Variants in FICD observed in about 807,000 individuals in gnomAD.
FICD encodes the protein FIC domain protein adenylyltransferase, also known as protein adenylyltransferase FICD.
In FICD, 13 loss-of-function variants were observed where a neutral mutation model predicts 28.0. The observed-to-expected ratio is 0.46, with a 90% CI of 0.30 to 0.74. FICD has a LOEUF of 0.74. Ranked by LOEUF, FICD falls within the 30% of genes least tolerant of loss-of-function variation. The pLI is 0.07. For missense variants in FICD, 576 were observed against 624.5 expected, an observed-to-expected ratio of 0.92 and a Z score of 0.83; for synonymous variants, 268 against 266.4, an observed-to-expected ratio of 1.01 and a Z score of -0.06.
intron 2 of FICD, chr12:108,517,983 G>A (rs1430182676): frequency 2.1e-5 from 13 of 631,042 alleles, no homozygotes; most frequent in Non-Finnish European, 3.1e-5. Flanking sequence ...TGGGCCTCCC[G>A]GGGCAGGAAC....
rs934037411 is a variant in FICD, at chr12:108,520,348, CTGAGT to C, written c.*875_*879del. 1 of 152,158 alleles carries C rather than the reference CTGAGT, an allele frequency of 6.6e-6. No individual in the cohort carries two copies. Among genetic ancestry groups the C allele is most frequent in the Non-Finnish European group, 1.5e-5 (1 of 68,036 alleles). 9.4% of individuals were successfully genotyped at this position (152,158 alleles called of 1,614,324 possible). A position where few individuals can be genotyped will look rare whatever the true frequency, so the allele number is the denominator to read the frequency against. On this transcript the variant is annotated 3_prime_UTR_variant, in exon 3 of 3. Transcript: ENST00000552695. ...TAGGCATCTGCCCTCACCCCTCTGC[CTGAGT>C]TTTCTGTAGGCAGATGTTAACCTGA...
intron 1 of FICD, among the ~76,000 whole-genome samples, chr12:108,516,594 G>T (rs911727901): frequency 6.6e-6 from 1 of 152,206 alleles, no homozygotes; most frequent in Non-Finnish European, 1.5e-5. Flanking sequence ...CTGGAGAAGG[G>T]TGAAAACATC....
At position 108,518,027 on chromosome 12, in the gene FICD, A is replaced by C. The variant is rs1871963567; in HGVS notation, c.302-373A>C. On this transcript the variant is annotated intron_variant, in intron 2 of 2. Coordinates refer to ENST00000552695, the MANE Select transcript of FICD (RefSeq NM_007076.3). The surrounding 1 kb of genome is among the most constrained non-coding windows in gnomAD (Gnocchi z 4.4). The stretch of plus-strand genomic sequence containing the variant: ...CCAGCACAAGATGAGCTGGAGATGT[A>C]GGAGACGGCCTACACTGGGAGCTGT... 2 of 667,728 alleles carry C rather than the reference A, an allele frequency of 3.0e-6. 1 individual carries two copies. The highest frequency in any genetic ancestry group is 3.2e-5 in the South Asian group (2 of 61,826). The allele number at this position is 667,728 out of a possible 1,614,324, so 41.4% of individuals were successfully genotyped here. A position where few individuals can be genotyped will look rare whatever the true frequency, so the allele number is the denominator to read the frequency against.
In FICD at chr12:108,519,049, A is replaced by T; in HGVS notation, c.951A>T (p.Gly317=). ...GRFRTTQVLV[G]HHIPPHPQDV... Reference sequence around the variant, plus strand: ...TTCGGACAACACAGGTCCTGGTCGGACACCACATCCCTCCCCATCCGCAGG... The same window carrying T: ...TTCGGACAACACAGGTCCTGGTCGGTCACCACATCCCTCCCCATCCGCAGG... The change falls in exon 3 of 3, where the codon GGA becomes GGT. Residue 317 remains glycine (G), a synonymous_variant. Transcript: ENST00000552695. The surrounding 1 kb of genome is among the most constrained non-coding windows in gnomAD (Gnocchi z 4.5). 6.2e-7 allele frequency: 1 copy of T among 1,614,228 alleles called. No homozygotes were observed. Among genetic ancestry groups the T allele is most frequent in the Non-Finnish European group, 8.5e-7 (1 of 1,180,036 alleles).
Position 108,518,668 on chromosome 12 carries a change from C to T in FICD, c.570C>T (p.Ile190=), listed in dbSNP as rs1871998810. The part of the protein sequence containing the change: ...RDRTLPLVEE[I]DQRYFSIIDS... The stretch of plus-strand genomic sequence containing the variant: ...GGACACTGCCTCTTGTGGAAGAGAT[C>T]GACCAGAGGTATTTCAGCATCATCG... The change falls in exon 3 of 3, where the codon ATC becomes ATT. Residue 190 remains isoleucine (I), a synonymous_variant. Coordinates refer to ENST00000552695, the MANE Select transcript of FICD (RefSeq NM_007076.3). This position sits in a 1 kb window ranked among gnomAD's most constrained non-coding sequence, Gnocchi z 4.4. 6.8e-6 allele frequency: 11 copies of T among 1,614,168 alleles called. No individual in the cohort carries two copies. The highest frequency in any genetic ancestry group is 9.3e-6 in the Non-Finnish European group (11 of 1,180,034).
In FICD at chr12:108,519,062, C is replaced by T. The variant is rs779340796; in HGVS notation, c.964C>T (p.Pro322Ser). 4.2e-5 allele frequency: 67 copies of T among 1,614,136 alleles called. 1 individual carries two copies. Among genetic ancestry groups the T allele is most frequent in the Non-Finnish European group, 5.7e-5 (67 of 1,180,054 alleles). Residue 322 changes from proline (P) to serine (S), a missense_variant, in exon 3 of 3, where the codon CCC (proline) becomes TCC (serine). Physicochemically the swap from Pro to Ser is moderately conservative, Grantham distance 74 (BLOSUM62 -1). Coordinates refer to ENST00000552695, the MANE Select transcript of FICD (RefSeq NM_007076.3). This position sits in a 1 kb window ranked among gnomAD's most constrained non-coding sequence, Gnocchi z 4.5. ...GGTCCTGGTCGGACACCACATCCCTCCCCATCCGCAGGATGTGGAAAAGCA... is the reference window on the plus strand; with the variant it reads ...GGTCCTGGTCGGACACCACATCCCTTCCCATCCGCAGGATGTGGAAAAGCA... ...TQVLVGHHIP[P>S]HPQDVEKQMQ...
rs571222629 is a variant in FICD at position 108,517,970 on chromosome 12, C to T, written c.302-430C>T. On this transcript the variant is annotated intron_variant, in intron 2 of 2. Transcript: ENST00000552695. Reference sequence around the variant, plus strand: ...AGGAAGAGTGGGGAGTTGTTAACGCCTTTGGGCCTCCCGGGGCAGGAACCT... The same window carrying T: ...AGGAAGAGTGGGGAGTTGTTAACGCTTTTGGGCCTCCCGGGGCAGGAACCT... 8.0e-6 allele frequency: 5 copies of T among 627,150 alleles called. No individual in the cohort carries two copies. The African/African-American group carries it at 9.1e-5, about 11-fold the overall frequency. 38.8% of individuals were successfully genotyped at this position (627,150 alleles called of 1,614,324 possible). A position where few individuals can be genotyped will look rare whatever the true frequency, so the allele number is the denominator to read the frequency against.
intron 1 of FICD, among the ~76,000 whole-genome samples, chr12:108,516,355 T>A (rs767624970): frequency 6.6e-6 from 1 of 152,178 alleles, no homozygotes; most frequent in African/African-American, 2.4e-5. Context: ...AGATTGGGCG[T>A]CAGAACTGCT....
In FICD at chr12:108,518,651, C is replaced by T. The variant is rs536188515; in HGVS notation, c.553C>T (p.Pro185Ser). ...ACTGGTCAACCGCGATCGGACACTGCCTCTTGTGGAAGAGATCGACCAGAG... is the reference window on the plus strand; with the variant it reads ...ACTGGTCAACCGCGATCGGACACTGTCTCTTGTGGAAGAGATCGACCAGAG... Reference protein sequence around the residue: ...KALVNRDRTLPLVEEIDQRYF... With the variant: ...KALVNRDRTLSLVEEIDQRYF... The change falls in exon 3 of 3, where the codon CCT (proline) becomes TCT (serine). Residue 185 changes from proline (P) to serine (S), a missense_variant. Coordinates refer to ENST00000552695, the MANE Select transcript of FICD (RefSeq NM_007076.3). This position sits in a 1 kb window ranked among gnomAD's most constrained non-coding sequence, Gnocchi z 4.4. The T allele has an allele frequency of 3.1e-6, 5 of 1,614,086 alleles. No homozygotes were observed. Among genetic ancestry groups the T allele is most frequent in the Middle Eastern group, 1.6e-4 (1 of 6,084 alleles).
intron 2 of FICD, 184 bp downstream of exon 2, chr12:108,517,457 G>A: frequency 4.2e-6 from 2 of 478,118 alleles, no homozygotes; most frequent in Admixed American, 8.0e-5. Flanking sequence ...ATAAAGGGCT[G>A]TAGGAGCATA....
At position 108,521,023 on chromosome 12, in the gene FICD, T is replaced by C; in HGVS notation, c.*1548T>C. On this transcript the variant is annotated 3_prime_UTR_variant, in exon 3 of 3. Transcript: ENST00000552695. ...TGTTCAAACCTTTATAAAATGTGTT[T>C]TCGTACTCTTATGCTGCCAGAGGTA... 1 of 152,242 alleles carries C rather than the reference T, an allele frequency of 6.6e-6. No homozygotes were observed. Among genetic ancestry groups the C allele is most frequent in the Non-Finnish European group, 1.5e-5 (1 of 68,044 alleles). The allele number at this position is 152,242 out of a possible 1,614,324, so 9.4% of individuals were successfully genotyped here. A position where few individuals can be genotyped will look rare whatever the true frequency, so the allele number is the denominator to read the frequency against.
Position 108,518,890 on chromosome 12 carries a change from C to A in FICD, c.792C>A (p.Val264=). Residue 264 remains valine (V), a synonymous_variant, in exon 3 of 3, where the codon GTC becomes GTA. Transcript: ENST00000552695. The surrounding 1 kb of genome is among the most constrained non-coding windows in gnomAD (Gnocchi z 4.4). The part of the protein sequence containing the change: ...PGKSLEEQNE[V]IGMHAAMKYI... ...AGAGCCTGGAGGAGCAGAACGAGGT[C>A]ATAGGCATGCATGCAGCCATGAAGT... 1 of 1,614,110 alleles carries A rather than the reference C, an allele frequency of 6.2e-7. No individual in the cohort carries two copies.
chr12:108,517,137 CA>C lies in FICD; in HGVS notation c.168del (p.Gly57AlafsTer54). Reference sequence around the variant, plus strand: ...TGGAGGAGCAGTGCTTGGCTGTGCTCAAAGGCCTCTACCTGCTCAGGAGCAA... The same window carrying C: ...TGGAGGAGCAGTGCTTGGCTGTGCTCAAGGCCTCTACCTGCTCAGGAGCAA... ...AVEEQCLAVL[K>X]GLYLLRSKPD... On this transcript the variant is annotated frameshift_variant, in exon 2 of 3. Transcript: ENST00000552695. LOFTEE classifies it high-confidence loss of function. 6.2e-7 allele frequency: 1 copy of C among 1,609,206 alleles called. No individual in the cohort carries two copies.
chr12:108,517,399 C>A, intron 2 of FICD, 126 bp downstream of exon 2: 1 of 708,450 alleles, frequency 1.4e-6, no homozygotes, highest in Non-Finnish European at 2.1e-6. Context: ...CTAGTATAGA[C>A]AAGGTGATGT....
intron 2 of FICD, 152 bp downstream of exon 2, chr12:108,517,425 A>T: frequency 1.8e-6 from 1 of 570,560 alleles, no homozygotes; most frequent in Non-Finnish European, 2.7e-6. Flanking sequence ...AGACAGTGTC[A>T]CAAGTGTGGT....
chr12:108,518,721 T>C lies in FICD; in HGVS notation c.623T>C (p.Ile208Thr). 1.2e-6 allele frequency: 2 copies of C among 1,614,094 alleles called. No homozygotes were observed. The highest frequency in any genetic ancestry group is 2.2e-5 in the East Asian group (1 of 44,866). ...IDSKVKKVMSIPKGNSALRRV... is the reference protein window; with the variant it reads ...IDSKVKKVMSTPKGNSALRRV... ...AGCAAAGTGAAGAAGGTCATGTCCA[T>C]CCCCAAGGGGAACTCAGCTCTGCGC... Residue 208 changes from isoleucine to threonine, a missense_variant, in exon 3 of 3, where the codon ATC becomes ACC. Ile to Thr is a moderately conservative substitution (Grantham distance 89). Coordinates refer to ENST00000552695, the MANE Select transcript of FICD (RefSeq NM_007076.3). This position sits in a 1 kb window ranked among gnomAD's most constrained non-coding sequence, Gnocchi z 4.4.
chr12:108,518,396 C>G lies in FICD; in HGVS notation c.302-4C>G, dbSNP rs1437512963. On this transcript the variant is annotated splice_polypyrimidine_tract_variant and splice_region_variant and intron_variant, in intron 2 of 2. Coordinates refer to ENST00000552695, the MANE Select transcript of FICD (RefSeq NM_007076.3). This position sits in a 1 kb window ranked among gnomAD's most constrained non-coding sequence, Gnocchi z 4.4. ...CTCACAGCGCTTCTTTGGCTCTCTT[C>G]CAGCGGGTAAGTTGGAAGCCAGAGC... The G allele has an allele frequency of 6.2e-7, 1 of 1,613,302 alleles. No homozygotes were observed. The highest frequency in any genetic ancestry group is 2.2e-5 in the East Asian group (1 of 44,878).
At chr12:108,517,975 GGCCTCC>G in intron 2 of FICD, 1 of 627,494 alleles carries the variant, frequency 1.6e-6, no homozygotes. Context: ...AACGCCTTTG[GGCCTCC>G]CGGGGCAGGA....
Position 108,520,553 on chromosome 12 carries a change from C to G in FICD, c.*1078C>G, listed in dbSNP as rs958450320. The G allele has an allele frequency of 1.3e-5, 2 of 152,210 alleles. No individual in the cohort carries two copies. The highest frequency in any genetic ancestry group is 4.8e-5 in the African/African-American group (2 of 41,444). 9.4% of individuals were successfully genotyped at this position (152,210 alleles called of 1,614,324 possible). On this transcript the variant is annotated 3_prime_UTR_variant, in exon 3 of 3. Transcript: ENST00000552695. ...GTCTTTGCACTGTCCCGTGTCCCAT[C>G]CCCCTGGGAGGCAGAAGAGATTGCC...
Sources: allele counts gnomAD v4.1 joint callset (sites outside exome capture counted in the v4.1 genomes callset), GRCh38; gene constraint gnomAD v4.1.1; non-coding constraint Gnocchi (gnomAD v3.1); transcripts MANE v1.5; gene names NCBI Gene and HGNC (gene_info 2026-07-23, HGNC 2026-07-21).